The following BEAN1 variants were observed in gnomAD, a reference collection of about 807,000 sequenced individuals.
BEAN1 encodes the protein brain expressed associated with NEDD4 1.
BEAN1 carries 17 observed loss-of-function variants against 17.7 expected under a neutral mutation model. The observed-to-expected ratio is 0.96, with a 90% CI of 0.66 to 1.44. The LOEUF is 1.44. Among genes scored for constraint, BEAN1 ranks in the 40% most tolerant of loss-of-function variants. The pLI, the probability that BEAN1 is intolerant of heterozygous loss-of-function variation, is 0.00. For missense variants in BEAN1, 359 were observed against 374.1 expected, an observed-to-expected ratio of 0.96 and a Z score of 0.33; for synonymous variants, 142 against 151.8, an observed-to-expected ratio of 0.94 and a Z score of 0.47.
chr16:66,479,505 T>G (rs1597048679), intron 4 of BEAN1, among the ~76,000 whole-genome samples: 1 of 148,992 alleles, frequency 6.7e-6, no homozygotes. Flanking sequence ...GTGGGGAAGG[T>G]GGGGGCACGA....
chr16:66,450,276 C>T (rs1287097820), intron 2 of BEAN1, among the ~76,000 whole-genome samples: 1 of 152,180 alleles, frequency 6.6e-6, no homozygotes, highest in African/African-American at 2.4e-5. Flanking sequence ...AACATAGGTG[C>T]TCACAGCACT....
chr16:66,485,150 C>T (rs1964070733), downstream of BEAN1: 2 of 452,558 alleles, frequency 4.4e-6, no homozygotes, highest in Non-Finnish European at 8.9e-6. Context: ...CGAGGAACAT[C>T]CATTGTCACA....
At chr16:66,474,298 C>T (rs985040171) in intron 3 of BEAN1, among the ~76,000 whole-genome samples, 1 of 151,736 alleles carries the variant, frequency 6.6e-6, no homozygotes, top group East Asian at 1.9e-4. Context: ...TCCAAGAAAA[C>T]CTGCTCCCAG....
intron 1 of BEAN1, among the ~76,000 whole-genome samples, chr16:66,433,569 A>G (rs753928584): frequency 2.0e-5 from 3 of 150,530 alleles, no homozygotes; most frequent in Non-Finnish European, 3.0e-5. Flanking sequence ...CTTCCTAAAG[A>G]GAGAATAGCT....
Position 66,481,051 on chromosome 16 carries a change from T to TC in BEAN1, c.*126_*127insC. The TC allele has an allele frequency of 2.9e-6, 2 of 691,056 alleles. No homozygotes were observed. The highest frequency in any genetic ancestry group is 1.8e-5 in the African/African-American group (1 of 54,790). 42.8% of individuals were successfully genotyped at this position (691,056 alleles called of 1,614,324 possible). A position where few individuals can be genotyped will look rare whatever the true frequency, so the allele number is the denominator to read the frequency against. On this transcript the variant is annotated 3_prime_UTR_variant, in exon 5 of 5. Coordinates refer to ENST00000536005, the MANE Select transcript of BEAN1 (RefSeq NM_001178020.3). The surrounding 1 kb of genome is among the most constrained non-coding windows in gnomAD (Gnocchi z 4.1). The stretch of plus-strand genomic sequence containing the variant: ...ATAACACACACATAGACCAAACTTG[T>TC]ATACACACAGACATCTACACTGACA...
intron 2 of BEAN1, among the ~76,000 whole-genome samples, chr16:66,442,600 A>G (rs1962299520): frequency 1.3e-5 from 2 of 152,156 alleles, no homozygotes; most frequent in African/African-American, 2.4e-5. Flanking sequence ...CAGAGATGGT[A>G]TGATATACAG....
Position 66,472,658 on chromosome 16 carries a change from C to T in BEAN1, c.289+2793C>T, listed in dbSNP as rs1281086399. On this transcript the variant is annotated intron_variant, in intron 3 of 4. Transcript: ENST00000536005. ...GGCATAGGTTACAGTGAGCCAAGAT[C>T]ATGCCACTGCACTCCAGCCTGGGTG... Among the ~76,000 whole-genome samples, 4 of 152,288 alleles carry T rather than the reference C, an allele frequency of 2.6e-5. No homozygotes were observed. In the East Asian group the frequency reaches 5.8e-4, roughly 22 times the overall value.
chr16:66,434,994 C>T lies in BEAN1; in HGVS notation c.-82-2601C>T, dbSNP rs1163710950. ...GTCCTGGAAGGGCACCCAGGTGTGA[C>T]AGAAACACAGCCAGAGTGATCATTC... On this transcript the variant is annotated intron_variant, in intron 1 of 4. Transcript: ENST00000536005. This position sits in a 1 kb window ranked among gnomAD's most constrained non-coding sequence, Gnocchi z 4.3. 1.3e-5 allele frequency among the ~76,000 whole-genome samples: 2 copies of T among 152,146 alleles called. No homozygotes were observed. Among genetic ancestry groups the T allele is most frequent in the Non-Finnish European group, 2.9e-5 (2 of 68,032 alleles).
intron 2 of BEAN1, among the ~76,000 whole-genome samples, chr16:66,464,809 T>C (rs768917797): frequency 1.3e-5 from 2 of 152,236 alleles, no homozygotes; most frequent in Non-Finnish European, 2.9e-5. Context: ...ATGAATTCCT[T>C]AGGATTTTTT....
In BEAN1 at chr16:66,434,315, G is replaced by A. The variant is rs181923791; in HGVS notation, c.-82-3280G>A. 3.3e-5 allele frequency among the ~76,000 whole-genome samples: 5 copies of A among 151,558 alleles called. No homozygotes were observed. The highest frequency in any genetic ancestry group is 2.1e-4 in the South Asian group (1 of 4,782). ...CCTCTCAGCAACTTCAGTCACATGC[G>A]TGCGGGACACCAGGATGGGCACTTG... On this transcript the variant is annotated intron_variant, in intron 1 of 4. Transcript: ENST00000536005. The surrounding 1 kb of genome is among the most constrained non-coding windows in gnomAD (Gnocchi z 4.3).
intron 2 of BEAN1, among the ~76,000 whole-genome samples, chr16:66,464,303 T>C (rs955384783): frequency 6.6e-6 from 1 of 152,232 alleles, no homozygotes; most frequent in Non-Finnish European, 1.5e-5. Context: ...TTAATTTCTT[T>C]TGAAAATGTT....
At chr16:66,494,847 G>GGCACAT (rs1964224674), downstream of BEAN1, among the ~76,000 whole-genome samples, 1 of 152,174 alleles carries the variant, frequency 6.6e-6, no homozygotes, top group Admixed American at 6.5e-5. Context: ...ATTCAGGTAT[G>GGCACAT]GCACATGCAC....
At chr16:66,453,369 ATT>A (rs1393161281) in intron 2 of BEAN1, among the ~76,000 whole-genome samples, 2 of 149,980 alleles carry the variant, frequency 1.3e-5, no homozygotes, top group South Asian at 2.1e-4. Flanking sequence ...ACACACACAC[ATT>A]GTTTTGTTTT....
At chr16:66,483,639 C>G (rs1964043082), downstream of BEAN1, 1 of 152,306 alleles carries the variant, frequency 6.6e-6, no homozygotes. Context: ...TCCCTCCCAC[C>G]AGAACTCCAA....
At chr16:66,464,909 C>G (rs566909763) in intron 2 of BEAN1, among the ~76,000 whole-genome samples, 1 of 151,990 alleles carries the variant, frequency 6.6e-6, no homozygotes, top group Non-Finnish European at 1.5e-5. Context: ...CCTAAATTGC[C>G]CTGGCTAGAA....
chr16:66,482,157 CAG>C lies in BEAN1; in HGVS notation c.*1235_*1236del, dbSNP rs931982986. 1 of 152,318 alleles carries C rather than the reference CAG, an allele frequency of 6.6e-6. No homozygotes were observed. The highest frequency in any genetic ancestry group is 1.5e-5 in the Non-Finnish European group (1 of 68,130). The allele number at this position is 152,318 out of a possible 1,614,324, so 9.4% of individuals were successfully genotyped here. A position where few individuals can be genotyped will look rare whatever the true frequency, so the allele number is the denominator to read the frequency against. On this transcript the variant is annotated 3_prime_UTR_variant, in exon 5 of 5. Transcript: ENST00000536005. ...TTTCCATCAAAGACCACGCAGGTAACAGAGGTGATTCCTGAAGACCCAGCCCA... is the reference window on the plus strand; with the variant it reads ...TTTCCATCAAAGACCACGCAGGTAACAGGTGATTCCTGAAGACCCAGCCCA...
intron 2 of BEAN1, among the ~76,000 whole-genome samples, chr16:66,454,197 A>G (rs1289099485): frequency 6.6e-6 from 1 of 152,204 alleles, no homozygotes; most frequent in Non-Finnish European, 1.5e-5. Context: ...TCTCATGTGC[A>G]CTTGAAAAGA....
intron 1 of BEAN1, among the ~76,000 whole-genome samples, chr16:66,429,865 G>A (rs982069068): frequency 2.0e-5 from 3 of 152,210 alleles, no homozygotes; most frequent in Admixed American, 2.0e-4. Flanking sequence ...ATGTGACGGG[G>A]ATGCAGGCAT....
chr16:66,477,846 C>T (rs1194587470), intron 4 of BEAN1, 136 bp downstream of exon 4: 3 of 1,001,938 alleles, frequency 3.0e-6, no homozygotes, highest in Non-Finnish European at 4.1e-6. Flanking sequence ...GTGGGCATGG[C>T]CACCTCCTCC....
Sources: gnomAD v4.1 joint callset for allele counts (sites outside exome capture counted in the v4.1 genomes callset) on GRCh38, gnomAD v4.1.1 for gene constraint, Gnocchi (gnomAD v3.1) non-coding constraint, MANE v1.5 for transcripts, NCBI Gene and HGNC (gene_info 2026-07-23, HGNC 2026-07-21) for gene names.